Variants in NSRP1 observed in about 807,000 individuals in gnomAD.
NSRP1 encodes the protein nuclear speckle splicing regulatory protein 1, also known as coiled-coil domain containing 55.
In NSRP1, 24 loss-of-function variants were observed where a neutral mutation model predicts 54.7. That is an observed-to-expected ratio of 0.44 (90% CI 0.32 to 0.62). The LOEUF (loss-of-function observed/expected upper bound fraction) is 0.62, where lower values mean the gene tolerates loss of function less well. Among genes scored for constraint, NSRP1 ranks in the 20% least tolerant of loss-of-function variants. NSRP1 has a pLI of 0.06. For synonymous variants in NSRP1, 210 were observed against 213.8 expected (o/e 0.98, Z 0.15); for missense variants, 596 against 651.2 (o/e 0.92, Z 0.92).
At chr17:30,178,040 AT>A in intron 3 of NSRP1, 30 bp from the exon 4 acceptor site, 1 of 1,609,456 alleles carries the variant, frequency 6.2e-7, no homozygotes, top group Non-Finnish European at 8.5e-7. Context: ...GCTGGCTCAT[AT>A]TTTTGAAACA....
At chr17:30,126,998 A>G (rs1410549136) in intron 2 of NSRP1, among the ~76,000 whole-genome samples, 1 of 152,238 alleles carries the variant, frequency 6.6e-6, no homozygotes, top group East Asian at 1.9e-4. Context: ...CAACTGTACA[A>G]CTTCATTCTC....
At chr17:30,171,400 G>C (rs1904928495) in intron 2 of NSRP1, among the ~76,000 whole-genome samples, 1 of 150,686 alleles carries the variant, frequency 6.6e-6, no homozygotes, top group Admixed American at 6.6e-5. Context: ...CTGCCTCCCA[G>C]GTGCAAGTGA....
chr17:30,163,145 A>C (rs916345948), intron 2 of NSRP1: 1 of 151,430 alleles, frequency 6.6e-6, no homozygotes, highest in Middle Eastern at 3.1e-3. Flanking sequence ...TCAGCCTCCC[A>C]AAGCGCTGGG....
chr17:30,165,362 G>A (rs1904693030), intron 2 of NSRP1, among the ~76,000 whole-genome samples: 1 of 152,192 alleles, frequency 6.6e-6, no homozygotes. Flanking sequence ...CAGTGTGGGT[G>A]TACCAGTGTC....
chr17:30,171,972 A>ACACACTCTCTCTCTCT (rs1169988659), intron 2 of NSRP1, among the ~76,000 whole-genome samples: 4 of 46,570 alleles, frequency 8.6e-5, no homozygotes, highest in Admixed American at 2.2e-4. Flanking sequence ...ACACACACAC[A>ACACACTCTCTCTCTCT]CTCCCTCTCT....
chr17:30,130,730 A>G (rs1404811320), intron 2 of NSRP1, among the ~76,000 whole-genome samples: 1 of 152,134 alleles, frequency 6.6e-6, no homozygotes, highest in African/African-American at 2.4e-5. Flanking sequence ...TTTTAACTCA[A>G]TGTGTCTTGC....
intron 2 of NSRP1, among the ~76,000 whole-genome samples, chr17:30,155,878 C>T (rs1278609430): frequency 1.3e-5 from 2 of 151,952 alleles, no homozygotes; most frequent in African/African-American, 4.8e-5. Flanking sequence ...CTCAGTCTGT[C>T]ACCCAGGCTG....
At chr17:30,160,065 T>G (rs1351594060) in intron 2 of NSRP1, among the ~76,000 whole-genome samples, 1 of 152,172 alleles carries the variant, frequency 6.6e-6, no homozygotes. Flanking sequence ...GATCATATGG[T>G]TTTTGTCTTT....
At chr17:30,136,169 A>T (rs2151884221) in intron 2 of NSRP1, among the ~76,000 whole-genome samples, 1 of 152,330 alleles carries the variant, frequency 6.6e-6, no homozygotes, top group South Asian at 2.1e-4. Flanking sequence ...TCTCAAAATT[A>T]AAAACAAAAA....
At chr17:30,165,791 A>G (rs1178684616) in intron 2 of NSRP1, among the ~76,000 whole-genome samples, 8 of 152,232 alleles carry the variant, frequency 5.3e-5, no homozygotes, top group Admixed American at 5.2e-4. Flanking sequence ...GACATACTGA[A>G]TATAAAACCT....
At chr17:30,149,860 A>G (rs2071889924) in intron 2 of NSRP1, among the ~76,000 whole-genome samples, 1 of 150,508 alleles carries the variant, frequency 6.6e-6, no homozygotes, top group South Asian at 2.1e-4. Context: ...AAAAATACCA[A>G]AAGCTCTGTG....
intron 2 of NSRP1, among the ~76,000 whole-genome samples, chr17:30,135,492 C>G (rs6505163): frequency 0.5 from 75,025 of 150,388 alleles, 19,176 homozygotes; most frequent in East Asian, 0.82. Context: ...TTTTGTTTTT[C>G]AGACGGAGTC....
chr17:30,118,182 A>G lies in NSRP1; in HGVS notation c.114+9A>G. 12 of 1,607,854 alleles carry G rather than the reference A, an allele frequency of 7.5e-6. No homozygotes were observed. Among genetic ancestry groups the G allele is most frequent in the Non-Finnish European group, 1.0e-5 (12 of 1,175,326 alleles). On this transcript the variant is annotated intron_variant, in intron 2 of 6. Transcript: ENST00000247026. ...CTGATGATGATGATGAGGTAAGGAA[A>G]CCTATGTTTTACTCGTGCATGGTTG...
In NSRP1 at chr17:30,184,810, G is replaced by C; in HGVS notation, c.813G>C (p.Lys271Asn). The change falls in exon 7 of 7, where the codon AAG becomes AAC. Residue 271 changes from lysine (K) to asparagine (N), a missense_variant. Transcript: ENST00000247026. Reference sequence around the variant, plus strand: ...CTAGAGTGAACTGCAGAAGGGAAAAGGTCATAGAGACCCCTGAGAATGACT... The same window carrying C: ...CTAGAGTGAACTGCAGAAGGGAAAACGTCATAGAGACCCCTGAGAATGACT... Reference protein sequence around the residue: ...EETRVNCRREKVIETPENDFK... With the variant: ...EETRVNCRRENVIETPENDFK... The C allele has an allele frequency of 6.2e-7, 1 of 1,613,972 alleles. No individual in the cohort carries two copies. Among genetic ancestry groups the C allele is most frequent in the Non-Finnish European group, 8.5e-7 (1 of 1,179,952 alleles).
At chr17:30,118,280 A>T in intron 2 of NSRP1, 107 bp downstream of exon 2, 1 of 712,054 alleles carries the variant, frequency 1.4e-6, no homozygotes, top group Non-Finnish European at 2.3e-6. Context: ...AGTACAGTGG[A>T]GTATAATTTA....
rs148476305 is a variant in NSRP1, at chr17:30,168,455, C to T, written c.115-4087C>T. 3.6e-3 allele frequency among the ~76,000 whole-genome samples: 547 copies of T among 151,746 alleles called. 2 individuals are homozygous for T. Among genetic ancestry groups the T allele is most frequent in the Middle Eastern group, 0.01 (3 of 294 alleles). The stretch of plus-strand genomic sequence containing the variant: ...CAGAATTATAGATTCAAAAAAGACA[C>T]ACAGAATAGGCCACAATACATGTGC... On this transcript the variant is annotated intron_variant, in intron 2 of 6. Transcript: ENST00000247026.
chr17:30,166,348 T>C (rs1198426626), intron 2 of NSRP1, among the ~76,000 whole-genome samples: 5 of 152,220 alleles, frequency 3.3e-5, no homozygotes, highest in African/African-American at 1.2e-4. Context: ...AGGGCACTTA[T>C]GAAATCTATT....
chr17:30,179,478 AAC>A (rs1905231828), intron 5 of NSRP1, among the ~76,000 whole-genome samples, 181 bp downstream of exon 5: 1 of 152,258 alleles, frequency 6.6e-6, no homozygotes, highest in Admixed American at 6.5e-5. Context: ...AGGAAAGTTT[AAC>A]TAAAAACACA....
chr17:30,178,016 T>C (rs1567806645), intron 3 of NSRP1, 55 bp from the exon 4 acceptor site: 1 of 1,563,086 alleles, frequency 6.4e-7, no homozygotes, highest in Non-Finnish European at 8.8e-7. Flanking sequence ...GCATAGACTT[T>C]GTTGTATCTA....
Sources: gnomAD v4.1 joint callset for allele counts (sites outside exome capture counted in the v4.1 genomes callset) on GRCh38, gnomAD v4.1.1 for gene constraint, MANE v1.5 for transcripts, NCBI Gene and HGNC (gene_info 2026-07-23, HGNC 2026-07-21) for gene names.